Variants in HDAC9 observed in about 807,000 individuals in gnomAD.
HDAC9 encodes the protein MEF-2 interacting transcription repressor (MITR) protein.
A neutral mutation model predicts 139.4 loss-of-function variants in HDAC9; 41 were observed. The ratio of observed to expected loss-of-function variants is 0.29; its 90% CI spans 0.23 to 0.38. HDAC9 has a LOEUF of 0.38. Among genes scored for constraint, HDAC9 ranks in the 10% least tolerant of loss-of-function variants. HDAC9 has a pLI of 1.00. For synonymous variants in HDAC9, 517 were observed against 476.2 expected (o/e 1.09, Z -1.12); for missense variants, 1,147 against 1,297.0 (o/e 0.88, Z 1.78).
chr7:18,162,821 C>T (rs575876667), intron 2 of HDAC9, among the ~76,000 whole-genome samples: 4 of 152,108 alleles, frequency 2.6e-5, no homozygotes, highest in South Asian at 2.1e-4. Context: ...TTCCTGTTTC[C>T]TATATACATA....
chr7:18,853,791 A>G (rs1240508734), intron 21 of HDAC9, among the ~76,000 whole-genome samples: 1 of 152,216 alleles, frequency 6.6e-6, no homozygotes, highest in Non-Finnish European at 1.5e-5. Flanking sequence ...TTATATAATT[A>G]AATTTCAAGG....
chr7:18,562,240 A>G (rs936833217), intron 2 of HDAC9, among the ~76,000 whole-genome samples: 9 of 152,142 alleles, frequency 5.9e-5, no homozygotes, highest in Non-Finnish European at 1.2e-4. Flanking sequence ...TATTAAAGAT[A>G]TATAGTTTGC....
chr7:18,420,487 A>C (rs912674300), intron 1 of HDAC9, among the ~76,000 whole-genome samples: 1 of 152,188 alleles, frequency 6.6e-6, no homozygotes, highest in Non-Finnish European at 1.5e-5. Context: ...TAGTTACAGC[A>C]TTGTATCAGT....
At chr7:18,336,093 A>G (rs1781562957) in intron 1 of HDAC9, among the ~76,000 whole-genome samples, 1 of 151,608 alleles carries the variant, frequency 6.6e-6, no homozygotes, top group Admixed American at 6.6e-5. Flanking sequence ...GCTGAGATCA[A>G]ATTTTTACTC....
intron 23 of HDAC9, among the ~76,000 whole-genome samples, chr7:18,939,907 T>C (rs1332031683): frequency 6.6e-6 from 1 of 152,196 alleles, no homozygotes; most frequent in Non-Finnish European, 1.5e-5. Context: ...AACATGCAAT[T>C]GAACTCCCAT....
chr7:18,232,976 A>T (rs968297975), intron 2 of HDAC9, among the ~76,000 whole-genome samples: 4 of 152,174 alleles, frequency 2.6e-5, no homozygotes, highest in Non-Finnish European at 4.4e-5. Flanking sequence ...CTTCTCTCAG[A>T]TATCTAGGAG....
intron 1 of HDAC9, among the ~76,000 whole-genome samples, chr7:18,426,338 G>A (rs1008801166): frequency 1.3e-5 from 2 of 152,186 alleles, no homozygotes; most frequent in East Asian, 1.9e-4. Context: ...AAGTGGCGGC[G>A]TTTATGCAAA....
At chr7:18,468,666 C>T (rs1794489350) in intron 1 of HDAC9, among the ~76,000 whole-genome samples, 1 of 152,114 alleles carries the variant, frequency 6.6e-6, no homozygotes, top group African/African-American at 2.4e-5. Context: ...GTATGGGCTT[C>T]AGGTCTTCTA....
chr7:18,157,744 C>A (rs1044162931), intron 1 of HDAC9, among the ~76,000 whole-genome samples: 1 of 146,622 alleles, frequency 6.8e-6, no homozygotes, highest in East Asian at 2.0e-4. Context: ...ATGTTAAGAG[C>A]GGTTTTCTAA....
chr7:18,422,894 G>A (rs1293762092), intron 1 of HDAC9, among the ~76,000 whole-genome samples: 5 of 152,010 alleles, frequency 3.3e-5, no homozygotes, highest in Non-Finnish European at 4.4e-5. Flanking sequence ...ACAGTCCTAA[G>A]TTTGCATATG....
intron 22 of HDAC9, among the ~76,000 whole-genome samples, chr7:18,934,445 C>T (rs1399293703): frequency 2.0e-5 from 3 of 152,048 alleles, no homozygotes; most frequent in African/African-American, 7.2e-5. Flanking sequence ...TATGACCAAG[C>T]TTATTTTACT....
At chr7:18,665,612 AT>A (rs561224880) in intron 11 of HDAC9, among the ~76,000 whole-genome samples, 8 of 151,954 alleles carry the variant, frequency 5.3e-5, no homozygotes, top group Non-Finnish European at 7.4e-5. Context: ...CTTATTGTTA[AT>A]TTTTTTTAAA....
In HDAC9 at chr7:18,591,499, G is replaced by A. The variant is rs550128577; in HGVS notation, c.416-17G>A. On this transcript the variant is annotated splice_polypyrimidine_tract_variant and intron_variant, in intron 4 of 25. Transcript: ENST00000686413. The stretch of plus-strand genomic sequence containing the variant: ...TATGTGTGTGTGTGTGTGTGTGTGT[G>A]TGTGTGTGTATTTCAGGGGCAGTGG... 20 of 1,558,064 alleles carry A rather than the reference G, an allele frequency of 1.3e-5. No homozygotes were observed. In the African/African-American group the frequency reaches 2.7e-4, roughly 21 times the overall value.
chr7:18,125,179 AC>A (rs34915008), intron 1 of HDAC9, among the ~76,000 whole-genome samples: 8 of 151,100 alleles, frequency 5.3e-5, no homozygotes, highest in African/African-American at 1.5e-4. Context: ...GAATGAGGGT[AC>A]CCCCCCATCT....
At chr7:18,425,666 G>C (rs1004589452) in intron 1 of HDAC9, among the ~76,000 whole-genome samples, 2 of 152,116 alleles carry the variant, frequency 1.3e-5, no homozygotes, top group African/African-American at 4.8e-5. Context: ...GTGCCATGTG[G>C]GTAGTGGATT....
chr7:18,896,035 T>A (rs545580428), intron 22 of HDAC9, among the ~76,000 whole-genome samples: 2 of 152,246 alleles, frequency 1.3e-5, no homozygotes, highest in South Asian at 4.1e-4. Context: ...AGCTGCAGTT[T>A]TCATTAATGC....
At chr7:18,107,948 C>T (rs2128079434) in intron 1 of HDAC9, among the ~76,000 whole-genome samples, 1 of 152,242 alleles carries the variant, frequency 6.6e-6, no homozygotes, top group African/African-American at 2.4e-5. Context: ...TTTGGGTTCT[C>T]TGAATCAGAT....
At chr7:18,366,053 G>A (rs1390046931) in intron 1 of HDAC9, among the ~76,000 whole-genome samples, 1 of 150,852 alleles carries the variant, frequency 6.6e-6, no homozygotes, top group Non-Finnish European at 1.5e-5. Context: ...TCAAATGGCA[G>A]GCTATTTGAA....
At position 19,000,716 on chromosome 7, in the gene HDAC9, C is replaced by T. The variant is rs895184086; in HGVS notation, c.*4654C>T. On this transcript the variant is annotated 3_prime_UTR_variant, in exon 26 of 26. Coordinates refer to ENST00000686413, the MANE Select transcript of HDAC9 (RefSeq NM_178425.4). ...TTCTCAAAGCATCTTAATTCTCAAA[C>T]TGAAACATTTAGCAAATACATGGTG... The T allele has an allele frequency of 3.3e-5, 5 of 152,294 alleles. No individual in the cohort carries two copies. Among genetic ancestry groups the T allele is most frequent in the Admixed American group, 6.5e-5 (1 of 15,296 alleles). 9.4% of individuals were successfully genotyped at this position (152,294 alleles called of 1,614,324 possible).
Sources: allele counts gnomAD v4.1 joint callset (sites outside exome capture counted in the v4.1 genomes callset), GRCh38; gene constraint gnomAD v4.1.1; transcripts MANE v1.5; gene names NCBI Gene and HGNC (gene_info 2026-07-23, HGNC 2026-07-21).